Variants in ASAP1 observed in about 807,000 individuals in gnomAD.
ASAP1 encodes the protein ArfGAP with SH3 domain, ankyrin repeat and PH domain 1, also known as arf-GAP with SH3 domain, ANK repeat and PH domain-containing protein 1.
A neutral mutation model predicts 145.2 loss-of-function variants in ASAP1; 43 were observed. The ratio of observed to expected loss-of-function variants is 0.30; its 90% CI spans 0.23 to 0.38. The LOEUF (loss-of-function observed/expected upper bound fraction) is 0.38, where lower values mean the gene tolerates loss of function less well. Ranked by LOEUF, ASAP1 falls within the 10% of genes least tolerant of loss-of-function variation. ASAP1 has a pLI of 1.00. For synonymous variants in ASAP1, 546 were observed against 515.5 expected (o/e 1.06, Z -0.80); for missense variants, 1,018 against 1,355.3 (o/e 0.75, Z 3.91).
At chr8:130,377,150 C>T (rs1373023169) in intron 2 of ASAP1, among the ~76,000 whole-genome samples, 3 of 151,884 alleles carry the variant, frequency 2.0e-5, no homozygotes, top group Non-Finnish European at 4.4e-5. Context: ...TATGTTCTCA[C>T]TCAAAAGTGG....
chr8:130,238,260 A>G (rs542446706), intron 3 of ASAP1, among the ~76,000 whole-genome samples: 1 of 152,264 alleles, frequency 6.6e-6, no homozygotes, highest in East Asian at 1.9e-4. Flanking sequence ...CACAATGCTC[A>G]GTCGCTTTCT....
chr8:130,072,824 T>TGTGTGTGTGTGTGTGTGTGTGCGTGCGC, intron 27 of ASAP1, among the ~76,000 whole-genome samples: 1 of 32,282 alleles, frequency 3.1e-5, no homozygotes, highest in Non-Finnish European at 5.7e-5. Context: ...TGTGTGTGTG[T>TGTGTGTGTGTGTGTGTGTGTGCGTGCGC]GCGCGCGGGG....
At chr8:130,389,569 C>T (rs140790609) in intron 2 of ASAP1, among the ~76,000 whole-genome samples, 190 of 152,292 alleles carry the variant, frequency 1.2e-3, no homozygotes, top group Non-Finnish European at 1.8e-3. Flanking sequence ...CCAAGAAACC[C>T]CAGTTCCTTC....
At chr8:130,226,278 T>C (rs187500590) in intron 4 of ASAP1, among the ~76,000 whole-genome samples, 25 of 152,296 alleles carry the variant, frequency 1.6e-4, no homozygotes, top group Admixed American at 1.6e-3. Context: ...GTTTTAACTT[T>C]ACAGACACCA....
chr8:130,196,111 G>A (rs1283561021), intron 5 of ASAP1, among the ~76,000 whole-genome samples: 1 of 152,228 alleles, frequency 6.6e-6, no homozygotes, highest in Non-Finnish European at 1.5e-5. Context: ...GAAGGCCGAG[G>A]CAGGCGGATC....
chr8:130,328,023 A>AAT (rs1554884148), intron 3 of ASAP1, among the ~76,000 whole-genome samples: 1 of 152,108 alleles, frequency 6.6e-6, no homozygotes, highest in Non-Finnish European at 1.5e-5. Context: ...GCAAAAGAAA[A>AAT]ATATATATAT....
intron 27 of ASAP1, among the ~76,000 whole-genome samples, chr8:130,062,512 G>T (rs917920216): frequency 6.6e-6 from 1 of 152,138 alleles, no homozygotes; most frequent in African/African-American, 2.4e-5. Context: ...TCTGAAATTG[G>T]CTAAGAAACA....
rs536709591 is a variant in ASAP1, at chr8:130,180,060, G to A, written c.660+691C>T. On this transcript the variant is annotated intron_variant, in intron 8 of 29. Coordinates refer to ENST00000518721, the MANE Select transcript of ASAP1 (RefSeq NM_018482.4). ...GGGAAGGAAGGAAGGGAGGGAGGGA[G>A]GAGAAGGGGAAGGGGAAGGGGGAAA... 1.5e-4 allele frequency among the ~76,000 whole-genome samples: 22 copies of A among 147,554 alleles called. No homozygotes were observed. The South Asian group carries it at 4.9e-3, about 33-fold the overall frequency.
At chr8:130,276,760 T>TCTCTCTCTCTCTCC (rs1333515760) in intron 3 of ASAP1, among the ~76,000 whole-genome samples, 83 of 130,342 alleles carry the variant, frequency 6.4e-4, no homozygotes, top group East Asian at 3.4e-3. Flanking sequence ...TCTCTCTCTC[T>TCTCTCTCTCTCTCC]CCTCTAACAA....
At chr8:130,107,192 T>TTC (rs2097538358) in intron 24 of ASAP1, among the ~76,000 whole-genome samples, 1 of 147,320 alleles carries the variant, frequency 6.8e-6, no homozygotes, top group South Asian at 2.2e-4. Context: ...TCTTTTTTTT[T>TTC]TTTTTTTTGA....
chr8:130,384,407 C>T (rs935291277), intron 2 of ASAP1, among the ~76,000 whole-genome samples: 1 of 152,222 alleles, frequency 6.6e-6, no homozygotes. Flanking sequence ...CCTCTTCTTA[C>T]TCAGAGAACC....
chr8:130,277,668 G>A (rs1463853951), intron 3 of ASAP1, among the ~76,000 whole-genome samples: 1 of 152,194 alleles, frequency 6.6e-6, no homozygotes, highest in Non-Finnish European at 1.5e-5. Flanking sequence ...TACAGATATA[G>A]AAATGGCTTT....
chr8:130,171,414 C>A (rs998705117), intron 9 of ASAP1, among the ~76,000 whole-genome samples: 8 of 152,022 alleles, frequency 5.3e-5, no homozygotes, highest in African/African-American at 1.2e-4. Flanking sequence ...GCAGAAGGCA[C>A]CTCTTCACAG....
intron 5 of ASAP1, among the ~76,000 whole-genome samples, chr8:130,190,407 A>G (rs1038178067): frequency 1.3e-5 from 2 of 152,074 alleles, no homozygotes; most frequent in African/African-American, 4.8e-5. Flanking sequence ...ATTGAAGAGG[A>G]TATTCTTTCC....
intron 5 of ASAP1, among the ~76,000 whole-genome samples, chr8:130,213,834 T>C (rs956066509): frequency 6.6e-6 from 1 of 152,126 alleles, no homozygotes; most frequent in Non-Finnish European, 1.5e-5. Context: ...CCTTTCTAAG[T>C]GTGCACATGG....
intron 1 of ASAP1, among the ~76,000 whole-genome samples, chr8:130,439,722 A>G (rs1830429789): frequency 6.6e-6 from 1 of 152,224 alleles, no homozygotes; most frequent in African/African-American, 2.4e-5. Flanking sequence ...CCTGGGAGAG[A>G]GGAAGAGCAT....
At chr8:130,214,776 C>G in intron 4 of ASAP1, 75 bp from the exon 5 acceptor site, 1 of 1,243,876 alleles carries the variant, frequency 8.0e-7, no homozygotes, top group East Asian at 2.4e-5. Flanking sequence ...GAACACCGAT[C>G]ACTACGAATT....
chr8:130,166,020 T>TTTTG (rs768647842), intron 11 of ASAP1, among the ~76,000 whole-genome samples: 12 of 152,280 alleles, frequency 7.9e-5, no homozygotes, highest in South Asian at 2.1e-4. Flanking sequence ...GCTCTTCATT[T>TTTTG]TTTGTTTGTT....
chr8:130,313,910 C>T (rs1823509762), intron 3 of ASAP1, among the ~76,000 whole-genome samples: 1 of 152,176 alleles, frequency 6.6e-6, no homozygotes. Context: ...TGCTCTTCTC[C>T]TCTCCCCACT....
Sources: allele counts gnomAD v4.1 joint callset (sites outside exome capture counted in the v4.1 genomes callset), GRCh38; gene constraint gnomAD v4.1.1; transcripts MANE v1.5; gene names NCBI Gene and HGNC (gene_info 2026-07-23, HGNC 2026-07-21).